TBC1D30: variants seen among roughly 807,000 people sequenced by gnomAD.
TBC1D30 encodes TBC1 domain family member 30, also known as TBC1 domain family, member 30.
TBC1D30 carries 31 observed loss-of-function variants against 63.2 expected under a neutral mutation model. The observed-to-expected ratio is 0.49, with a 90% CI of 0.37 to 0.66. The LOEUF is 0.66. Among genes scored for constraint, TBC1D30 ranks in the 30% least tolerant of loss-of-function variants. The pLI, the probability that TBC1D30 is intolerant of heterozygous loss-of-function variation, is 0.00. For synonymous variants in TBC1D30, 307 were observed against 361.5 expected (o/e 0.85, Z 1.71); for missense variants, 810 against 953.6 (o/e 0.85, Z 1.98).
chr12:64,846,187 C>T (rs573846042), intron 8 of TBC1D30, among the ~76,000 whole-genome samples: 1 of 151,834 alleles, frequency 6.6e-6, no homozygotes, highest in Admixed American at 6.6e-5. Context: ...CTTTGCTGTG[C>T]AGGAGCTTTT....
rs763193481 is a variant in TBC1D30, at chr12:64,836,602, C to T, written c.707C>T (p.Pro236Leu). The stretch of plus-strand genomic sequence containing the variant: ...AGAGACCTTTTAAGAATGAAGCTGC[C>T]GGAATTATCTCAGCACCTGGATACT... ...VFRDLLRMKL[P>L]ELSQHLDTLQ... Residue 236 changes from proline (P) to leucine (L), a missense_variant, in exon 6 of 12, where the codon CCG (proline) becomes CTG (leucine). By Grantham distance (98) the Pro-to-Leu change is moderately conservative. This residue lies in a region of TBC1D30 where 272 missense variants were observed against 335.9 expected (regional missense o/e 0.81). Coordinates refer to ENST00000539867, the MANE Select transcript of TBC1D30 (RefSeq NM_015279.2). 5 of 1,535,746 alleles carry T rather than the reference C, an allele frequency of 3.3e-6. No homozygotes were observed. In the South Asian group the frequency reaches 4.8e-5, roughly 15 times the overall value.
intron 2 of TBC1D30, among the ~76,000 whole-genome samples, chr12:64,815,580 C>T (rs1009019776): frequency 5.3e-5 from 8 of 151,910 alleles, no homozygotes; most frequent in African/African-American, 1.2e-4. Context: ...CAAATATATC[C>T]GTAGAGAAAT....
At chr12:64,833,684 G>C (rs1363757829) in intron 5 of TBC1D30, among the ~76,000 whole-genome samples, 1 of 152,166 alleles carries the variant, frequency 6.6e-6, no homozygotes, top group Non-Finnish European at 1.5e-5. Flanking sequence ...AGCTTGACAT[G>C]ATCTAAATCT....
At chr12:64,777,010 A>G (rs1871100589), upstream of TBC1D30, among the ~76,000 whole-genome samples, 1 of 152,212 alleles carries the variant, frequency 6.6e-6, no homozygotes. Context: ...GCAAAACCAC[A>G]CGATTATCTC....
At chr12:64,765,595 T>A in intron 1 of TBC1D30, among the ~76,000 whole-genome samples, 1 of 132,418 alleles carries the variant, frequency 7.6e-6, no homozygotes, top group Admixed American at 7.8e-5. Flanking sequence ...AAACAGATAA[T>A]AAATGACAGG....
intron 2 of TBC1D30, among the ~76,000 whole-genome samples, chr12:64,809,714 C>T (rs1413731513): frequency 6.6e-6 from 1 of 152,144 alleles, no homozygotes; most frequent in Non-Finnish European, 1.5e-5. Flanking sequence ...ATTTGTTTTT[C>T]TTAAAACTTT....
intron 1 of TBC1D30, among the ~76,000 whole-genome samples, chr12:64,761,609 AG>A (rs1312186766): frequency 6.6e-6 from 1 of 152,224 alleles, no homozygotes; most frequent in Admixed American, 6.5e-5. Context: ...ATTCCCACCC[AG>A]CGCCATGACA....
intron 7 of TBC1D30, among the ~76,000 whole-genome samples, chr12:64,842,840 A>T (rs1308837571): frequency 1.3e-5 from 2 of 152,138 alleles, no homozygotes; most frequent in Admixed American, 1.3e-4. Context: ...CACAGGTGGG[A>T]CTGTGAGGCG....
intron 1 of TBC1D30, among the ~76,000 whole-genome samples, chr12:64,774,922 G>A (rs551599029): frequency 9.9e-5 from 15 of 151,834 alleles, no homozygotes; most frequent in African/African-American, 2.9e-4. Flanking sequence ...GTGAATCCCC[G>A]TCTCTACTAA....
upstream of TBC1D30, among the ~76,000 whole-genome samples, chr12:64,779,941 T>A (rs1299864082): frequency 6.6e-6 from 1 of 152,176 alleles, no homozygotes; most frequent in Non-Finnish European, 1.5e-5. Flanking sequence ...CACAAAAATA[T>A]CTACAGTGGA....
intron 8 of TBC1D30, among the ~76,000 whole-genome samples, chr12:64,858,293 C>T (rs1336473116): frequency 1.3e-5 from 2 of 152,170 alleles, no homozygotes; most frequent in Admixed American, 1.3e-4. Context: ...TTGAATTAAA[C>T]CCAACTTGTA....
At chr12:64,860,616 T>C (rs1877708672) in intron 8 of TBC1D30, among the ~76,000 whole-genome samples, 1 of 152,190 alleles carries the variant, frequency 6.6e-6, no homozygotes. Flanking sequence ...CAAACTGGAC[T>C]GTGTAAGAAA....
At chr12:64,808,851 T>C (rs892874571) in intron 2 of TBC1D30, among the ~76,000 whole-genome samples, 2 of 152,164 alleles carry the variant, frequency 1.3e-5, no homozygotes, top group Non-Finnish European at 2.9e-5. Context: ...GCATGGATTA[T>C]ATAATATAGT....
chr12:64,865,211 G>T (rs187747900), intron 9 of TBC1D30, among the ~76,000 whole-genome samples: 2 of 148,754 alleles, frequency 1.3e-5, no homozygotes, highest in Non-Finnish European at 3.0e-5. Flanking sequence ...GGGCTAATGA[G>T]AACTAATTTG....
chr12:64,822,381 A>G (rs1039654666), upstream of TBC1D30, among the ~76,000 whole-genome samples: 9 of 152,106 alleles, frequency 5.9e-5, no homozygotes, highest in African/African-American at 2.2e-4. Flanking sequence ...GGGTCTTGCT[A>G]TTTTGCCCAG....
rs774689230 is a variant in TBC1D30, at chr12:64,838,857, T to A, written c.932+6T>A. 1.3e-6 allele frequency: 2 copies of A among 1,535,930 alleles called. No individual in the cohort carries two copies. Among genetic ancestry groups the A allele is most frequent in the South Asian group, 2.4e-5 (2 of 84,038 alleles). ...ATCTGGGCAAAATTAGGAGAGTAAG[T>A]GATTTCCACCTTCTGCTCTGTTCTG... On this transcript the variant is annotated splice_donor_region_variant and intron_variant, in intron 7 of 11. Transcript: ENST00000539867.
At chr12:64,773,804 G>T (rs1322881013) in intron 1 of TBC1D30, among the ~76,000 whole-genome samples, 3 of 152,168 alleles carry the variant, frequency 2.0e-5, no homozygotes, top group African/African-American at 7.2e-5. Flanking sequence ...CAACCTCAAA[G>T]ATTGAAAATA....
chr12:64,856,947 C>T (rs561028108), intron 8 of TBC1D30, among the ~76,000 whole-genome samples: 62 of 152,058 alleles, frequency 4.1e-4, no homozygotes, highest in Admixed American at 2.0e-4. Context: ...CTTCCATCAG[C>T]TTATGGTGAA....
At chr12:64,828,896 G>A (rs1592602040) in intron 3 of TBC1D30, among the ~76,000 whole-genome samples, 1 of 152,160 alleles carries the variant, frequency 6.6e-6, no homozygotes, top group East Asian at 1.9e-4. Context: ...TGAAGGAGGT[G>A]AGAAGCCAGC....
Sources: gnomAD v4.1 joint callset for allele counts (sites outside exome capture counted in the v4.1 genomes callset) on GRCh38, gnomAD v4.1.1 for gene constraint, gnomAD v4.1.1 regional missense constraint, MANE v1.5 for transcripts, NCBI Gene and HGNC (gene_info 2026-07-23, HGNC 2026-07-21) for gene names.